FAM20A: variants seen among roughly 807,000 people sequenced by gnomAD.
FAM20A encodes FAM20A golgi associated secretory pathway pseudokinase, also known as pseudokinase FAM20A.
Under a neutral mutation model 52.0 loss-of-function variants are expected in FAM20A, and 42 were observed. That is an observed-to-expected ratio of 0.81 (90% CI 0.63 to 1.04). The LOEUF (loss-of-function observed/expected upper bound fraction) is 1.04. Ranked by LOEUF, FAM20A falls within the 50% of genes least tolerant of loss-of-function variation. The probability of loss-of-function intolerance (pLI) is 0.00; values close to 1 mark genes in which losing one functional copy is unlikely to be tolerated. For missense variants in FAM20A, 742 were observed against 712.7 expected, an observed-to-expected ratio of 1.04 and a Z score of -0.47; for synonymous variants, 304 against 298.9, an observed-to-expected ratio of 1.02 and a Z score of -0.18.
chr17:68,594,904 C>A (rs565618337), intron 1 of FAM20A, among the ~76,000 whole-genome samples: 35 of 152,344 alleles, frequency 2.3e-4, no homozygotes, highest in Admixed American at 3.9e-4. Flanking sequence ...CCAAGGGTAA[C>A]TGGTACGGGG....
chr17:68,546,706 T>C (rs2086584515), intron 4 of FAM20A, among the ~76,000 whole-genome samples: 1 of 151,904 alleles, frequency 6.6e-6, no homozygotes, highest in African/African-American at 2.4e-5. Context: ...GGCCGGCGCC[T>C]GTAGTCCCAG....
chr17:68,581,283 T>C (rs929664802), intron 1 of FAM20A, among the ~76,000 whole-genome samples: 4 of 152,132 alleles, frequency 2.6e-5, no homozygotes, highest in African/African-American at 7.2e-5. Flanking sequence ...GGCTCAGACA[T>C]GAAATAAAGT....
intron 1 of FAM20A, among the ~76,000 whole-genome samples, chr17:68,584,098 C>T (rs2088094100): frequency 6.6e-6 from 1 of 152,166 alleles, no homozygotes; most frequent in African/African-American, 2.4e-5. Context: ...AGGTGGATCA[C>T]TTGAGGCCAG....
intron 1 of FAM20A, among the ~76,000 whole-genome samples, chr17:68,586,554 A>T (rs1281037219): frequency 6.6e-6 from 1 of 152,248 alleles, no homozygotes; most frequent in African/African-American, 2.4e-5. Context: ...GAGAAGACAC[A>T]GACAGACAAA....
chr17:68,587,235 T>G (rs1164074797), intron 1 of FAM20A, among the ~76,000 whole-genome samples: 1 of 152,144 alleles, frequency 6.6e-6, no homozygotes, highest in Non-Finnish European at 1.5e-5. Context: ...CTTCGGGCAT[T>G]CACCCTTGGC....
In FAM20A at chr17:68,571,987, CATATATATATATATATATATATATATAT is replaced by C. The variant is rs57442973; in HGVS notation, c.405-16272_405-16245del. ...ATATATATGTGTGTGTATATACATA[CATATATATATATATATATATATATATAT>C]ATATATATATATATATATATATATA... On this transcript the variant is annotated intron_variant, in intron 1 of 10. Coordinates refer to ENST00000592554, the MANE Select transcript of FAM20A (RefSeq NM_017565.4). Among the ~76,000 whole-genome samples, 396 of 43,768 alleles carry C rather than the reference CATATATATATATATATATATATATATAT, an allele frequency of 9.0e-3. 12 individuals are homozygous for C. The highest frequency in any genetic ancestry group is 0.019 in the African/African-American group (317 of 16,378). 28.7% of individuals were successfully genotyped at this position (43,768 alleles called of 152,430 possible). A position where few individuals can be genotyped will look rare whatever the true frequency, so the allele number is the denominator to read the frequency against.
At chr17:68,577,271 C>A (rs2087799355) in intron 1 of FAM20A, among the ~76,000 whole-genome samples, 1 of 152,232 alleles carries the variant, frequency 6.6e-6, no homozygotes, top group Non-Finnish European at 1.5e-5. Flanking sequence ...CTCTATTCTG[C>A]ATGGTACATG....
chr17:68,572,012 A>G (rs1164906749), intron 1 of FAM20A, among the ~76,000 whole-genome samples: 2 of 98,516 alleles, frequency 2.0e-5, no homozygotes, highest in African/African-American at 9.1e-5. Flanking sequence ...ATATATATAT[A>G]TATATATATA....
chr17:68,575,725 T>A (rs559043704), intron 1 of FAM20A, among the ~76,000 whole-genome samples: 14 of 123,302 alleles, frequency 1.1e-4, no homozygotes, highest in South Asian at 2.3e-4. Context: ...TATTTTATAT[T>A]TTATATATTA....
chr17:68,539,024 T>C (rs2086179849), intron 10 of FAM20A, among the ~76,000 whole-genome samples: 1 of 152,224 alleles, frequency 6.6e-6, no homozygotes, highest in African/African-American at 2.4e-5. Context: ...TGATAACTGC[T>C]TGTAGGCTAC....
At chr17:68,575,974 T>C (rs1598059182) in intron 1 of FAM20A, among the ~76,000 whole-genome samples, 1 of 151,478 alleles carries the variant, frequency 6.6e-6, no homozygotes. Context: ...AAGTGGATGG[T>C]GTTAGGCTGG....
At chr17:68,558,359 T>A (rs1370503217) in intron 1 of FAM20A, 1 of 444,072 alleles carries the variant, frequency 2.3e-6, no homozygotes, top group Middle Eastern at 7.0e-4. Flanking sequence ...GTTTGTCCCC[T>A]CCAAATCTCA....
intron 1 of FAM20A, among the ~76,000 whole-genome samples, chr17:68,580,940 C>T (rs141942301): frequency 2.0e-4 from 31 of 152,240 alleles, no homozygotes; most frequent in South Asian, 6.2e-4. Flanking sequence ...GGCAGCGTTG[C>T]GATGACACCC....
chr17:68,600,857 ACGGAGCACCGGGGCTCT>A lies in FAM20A; in HGVS notation c.-208_-192del. On this transcript the variant is annotated 5_prime_UTR_variant, in exon 1 of 11. Coordinates refer to ENST00000592554, the MANE Select transcript of FAM20A (RefSeq NM_017565.4). The surrounding 1 kb of genome is among the most constrained non-coding windows in gnomAD (Gnocchi z 6.2). ...GCTCCTCAACTTGGGGACCAGGTGC[ACGGAGCACCGGGGCTCT>A]CGGAGTCAGCGGGCGTCGCTTCTCC... is the stretch of plus-strand genomic sequence containing the variant. 5.1e-6 allele frequency: 3 copies of A among 582,874 alleles called. No individual in the cohort carries two copies. Among genetic ancestry groups the A allele is most frequent in the Non-Finnish European group, 8.7e-6 (3 of 343,472 alleles). 36.1% of individuals were successfully genotyped at this position (582,874 alleles called of 1,614,324 possible). A position where few individuals can be genotyped will look rare whatever the true frequency, so the allele number is the denominator to read the frequency against.
At chr17:68,594,048 T>A (rs1233514814) in intron 1 of FAM20A, among the ~76,000 whole-genome samples, 1 of 152,186 alleles carries the variant, frequency 6.6e-6, no homozygotes, top group Non-Finnish European at 1.5e-5. Flanking sequence ...TGCCTGTGGT[T>A]TTCTAGCTGC....
At position 68,542,266 on chromosome 17, in the gene FAM20A, A is replaced by T. The variant is rs1273719088; in HGVS notation, c.929-101T>A. The T allele has an allele frequency of 3.9e-6, 5 of 1,269,656 alleles. No homozygotes were observed. In the African/African-American group the frequency reaches 5.9e-5, roughly 15 times the overall value. 78.6% of individuals were successfully genotyped at this position (1,269,656 alleles called of 1,614,324 possible). ...CACTGGGAGGGAAGGGAAACCCTGA[A>T]CTCACAGCTCGGGAAGAGAAAGAAG... On this transcript the variant is annotated intron_variant, in intron 6 of 10. Coordinates refer to ENST00000592554, the MANE Select transcript of FAM20A (RefSeq NM_017565.4).
At chr17:68,554,022 ACATATATACACACATG>A (rs1164174142) in intron 3 of FAM20A, among the ~76,000 whole-genome samples, 1 of 91,274 alleles carries the variant, frequency 1.1e-5, no homozygotes. Flanking sequence ...ATACATATAT[ACATATATACACACATG>A]CATATATACA....
chr17:68,573,434 C>CTCTTTCTT (rs201984571), intron 1 of FAM20A, among the ~76,000 whole-genome samples: 7 of 135,642 alleles, frequency 5.2e-5, no homozygotes, highest in Admixed American at 2.9e-4. Flanking sequence ...TCTTTCCTTT[C>CTCTTTCTT]TCTTTCTTTC....
chr17:68,588,692 G>T (rs2088224666), intron 1 of FAM20A, among the ~76,000 whole-genome samples: 1 of 152,076 alleles, frequency 6.6e-6, no homozygotes, highest in Non-Finnish European at 1.5e-5. Context: ...AATCATATTG[G>T]ATCAAGACCT....
Sources: gnomAD v4.1 joint callset for allele counts (sites outside exome capture counted in the v4.1 genomes callset) on GRCh38, gnomAD v4.1.1 for gene constraint, Gnocchi (gnomAD v3.1) non-coding constraint, MANE v1.5 for transcripts, NCBI Gene and HGNC (gene_info 2026-07-23, HGNC 2026-07-21) for gene names.